Variants in CACNA2D1 observed in about 807,000 individuals in gnomAD.
CACNA2D1 encodes voltage-dependent calcium channel subunit alpha-2/delta-1.
CACNA2D1 carries 53 observed loss-of-function variants against 171.5 expected under a neutral mutation model. The observed-to-expected ratio is 0.31, with a 90% CI of 0.25 to 0.39. CACNA2D1 has a LOEUF of 0.39. Among genes scored for constraint, CACNA2D1 ranks in the 10% least tolerant of loss-of-function variants. The pLI, the probability that CACNA2D1 is intolerant of heterozygous loss-of-function variation, is 1.00. For synonymous variants in CACNA2D1, 442 were observed against 443.1 expected (o/e 1.00, Z 0.03); for missense variants, 903 against 1,299.8 (o/e 0.69, Z 4.69).
intron 5 of CACNA2D1, among the ~76,000 whole-genome samples, chr7:82,124,738 T>C (rs1009906615): frequency 1.3e-5 from 2 of 152,224 alleles, no homozygotes; most frequent in Non-Finnish European, 1.5e-5. Flanking sequence ...CATTGCTTTC[T>C]GCATTTTATC....
intron 38 of CACNA2D1, among the ~76,000 whole-genome samples, chr7:81,951,971 T>TTTTTTTTTTTTTTTTTGG (rs1554321673): frequency 7.7e-6 from 1 of 130,664 alleles, no homozygotes; most frequent in African/African-American, 2.8e-5. Context: ...TACAAAGTGT[T>TTTTTTTTTTTTTTTTTGG]TTTTTTTTTT....
At chr7:82,221,794 C>T (rs1398904801) in intron 3 of CACNA2D1, among the ~76,000 whole-genome samples, 2 of 146,734 alleles carry the variant, frequency 1.4e-5, no homozygotes, top group Non-Finnish European at 3.0e-5. Flanking sequence ...AAAAACACTA[C>T]GAATTCAGAT....
chr7:81,950,433 G>C lies in CACNA2D1; in HGVS notation c.3235C>G (p.Leu1079Val), dbSNP rs780771206. Residue 1079 changes from leucine to valine, a missense_variant, in exon 39 of 39, where the codon CTA becomes GTA. By Grantham distance (32) the Leu-to-Val change is conservative. Around this residue, in one of 5 missense-constraint regions of CACNA2D1, gnomAD observed 38 missense variants for 29.2 expected, o/e 1.30. Transcript: ENST00000356860. ...GTGCTGCCAGATACCAGCCAAAGTA[G>C]TAGAAACTGGATTCCAATGATATAC... ...LWYIIGIQFL[L>V]LWLVSGSTHR... 6.2e-7 allele frequency: 1 copy of C among 1,613,118 alleles called. No homozygotes were observed. Among genetic ancestry groups the C allele is most frequent in the Non-Finnish European group, 8.5e-7 (1 of 1,179,558 alleles).
In CACNA2D1 at chr7:81,971,883, A is replaced by T. The variant is rs1201239590; in HGVS notation, c.2054-19T>A. On this transcript the variant is annotated intron_variant, in intron 25 of 38. Transcript: ENST00000356860. ...GCGTTACCTAACACAGAAAAAGATC[A>T]TCAGTTACACTCACATTTCTAAAAT... 1.4e-6 allele frequency: 2 copies of T among 1,429,288 alleles called. No individual in the cohort carries two copies. The highest frequency in any genetic ancestry group is 2.0e-6 in the Non-Finnish European group (2 of 1,012,642). The allele number at this position is 1,429,288 out of a possible 1,614,324, so 88.5% of individuals were successfully genotyped here. A position where few individuals can be genotyped will look rare whatever the true frequency, so the allele number is the denominator to read the frequency against.
chr7:81,967,297 AATTT>A, intron 30 of CACNA2D1, 90 bp from the exon 31 acceptor site: 1 of 1,080,176 alleles, frequency 9.3e-7, no homozygotes, highest in South Asian at 1.3e-5. Flanking sequence ...ATTCTGAAAT[AATTT>A]ATCCAGTAGA....
At position 82,204,369 on chromosome 7, in the gene CACNA2D1, G is replaced by A. The variant is rs372535970; in HGVS notation, c.295-33760C>T. 1.8e-4 allele frequency among the ~76,000 whole-genome samples: 28 copies of A among 152,294 alleles called. No homozygotes were observed. The South Asian group carries it at 5.0e-3, about 27-fold the overall frequency. ...TGGTCACAGGCCCATATGCGGCCAG[G>A]CCATGTGGCAAGACCTAGGGGAGGA... On this transcript the variant is annotated intron_variant, in intron 3 of 38. Coordinates refer to ENST00000356860, the MANE Select transcript of CACNA2D1 (RefSeq NM_000722.4).
At chr7:82,232,249 A>G (rs1803023807) in intron 3 of CACNA2D1, among the ~76,000 whole-genome samples, 2 of 152,130 alleles carry the variant, frequency 1.3e-5, no homozygotes, top group Admixed American at 1.3e-4. Context: ...CAAATTAGGA[A>G]ACCATTCTAA....
At chr7:82,024,079 C>T (rs182476033) in intron 12 of CACNA2D1, among the ~76,000 whole-genome samples, 1 of 151,766 alleles carries the variant, frequency 6.6e-6, no homozygotes, top group Non-Finnish European at 1.5e-5. Context: ...AAGGTTGTTT[C>T]CACATCTAGG....
chr7:82,036,859 G>C (rs1222853492), intron 11 of CACNA2D1, among the ~76,000 whole-genome samples: 1 of 152,170 alleles, frequency 6.6e-6, no homozygotes, highest in East Asian at 1.9e-4. Context: ...ATTATGATCT[G>C]ACTTTTTACC....
chr7:82,203,674 G>A (rs1186371585), intron 3 of CACNA2D1, among the ~76,000 whole-genome samples: 2 of 152,182 alleles, frequency 1.3e-5, no homozygotes, highest in Non-Finnish European at 2.9e-5. Flanking sequence ...TTTGGCTGGA[G>A]TCTATAGCAG....
chr7:82,079,691 C>CAA lies in CACNA2D1; in HGVS notation c.658+5076_658+5077dup, dbSNP rs755722648. Reference sequence around the variant, plus strand: ...TAGGTAACAAAGTGAGACTCTGTCTCAAAAAAAAAAAAAAAAAAGTTGACG... The same window carrying CAA: ...TAGGTAACAAAGTGAGACTCTGTCTCAAAAAAAAAAAAAAAAAAAAGTTGACG... On this transcript the variant is annotated intron_variant, in intron 7 of 38. Transcript: ENST00000356860. 7.9e-3 allele frequency among the ~76,000 whole-genome samples: 553 copies of CAA among 70,050 alleles called. 6 individuals carry two copies. The highest frequency in any genetic ancestry group is 0.026 in the African/African-American group (507 of 19,674). The allele number at this position is 70,050 out of a possible 152,430, so 46.0% of individuals were successfully genotyped here.
At chr7:82,088,311 T>G (rs1053486461) in intron 6 of CACNA2D1, among the ~76,000 whole-genome samples, 22 of 152,254 alleles carry the variant, frequency 1.4e-4, no homozygotes, top group African/African-American at 5.1e-4. Flanking sequence ...ACGTCATTTT[T>G]TCATAACAGG....
At chr7:82,088,692 G>A (rs1378582354) in intron 6 of CACNA2D1, among the ~76,000 whole-genome samples, 2 of 151,822 alleles carry the variant, frequency 1.3e-5, no homozygotes, top group African/African-American at 2.4e-5. Flanking sequence ...CCTTTGATTT[G>A]GCAAGATATA....
intron 12 of CACNA2D1, among the ~76,000 whole-genome samples, chr7:82,026,332 GTCTTATTTT>G (rs1801906095): frequency 6.6e-6 from 1 of 151,026 alleles, no homozygotes; most frequent in South Asian, 2.1e-4. Context: ...GTTATTTTCT[GTCTTATTTT>G]TCTTTTGTAT....
intron 3 of CACNA2D1, among the ~76,000 whole-genome samples, chr7:82,303,248 TG>T (rs1813272823): frequency 1.3e-5 from 2 of 151,956 alleles, no homozygotes; most frequent in Non-Finnish European, 2.9e-5. Flanking sequence ...CTGCCCACCT[TG>T]GCCTCTACTA....
intron 4 of CACNA2D1, among the ~76,000 whole-genome samples, chr7:82,144,701 T>G (rs1205393794): frequency 2.6e-5 from 4 of 152,076 alleles, no homozygotes; most frequent in African/African-American, 9.7e-5. Context: ...GCCAACTTAA[T>G]ATTTTATAAG....
chr7:82,011,981 C>G, intron 15 of CACNA2D1, 173 bp downstream of exon 15: 1 of 622,156 alleles, frequency 1.6e-6, no homozygotes, highest in South Asian at 1.8e-5. Flanking sequence ...CTACTACATA[C>G]GAGTCTATGT....
intron 3 of CACNA2D1, among the ~76,000 whole-genome samples, chr7:82,278,137 C>T (rs1809598380): frequency 6.6e-6 from 1 of 152,152 alleles, no homozygotes; most frequent in Non-Finnish European, 1.5e-5. Context: ...ATTTATTCAA[C>T]TTTTGGTATG....
At chr7:82,374,933 A>C (rs2129448659) in intron 1 of CACNA2D1, among the ~76,000 whole-genome samples, 1 of 149,732 alleles carries the variant, frequency 6.7e-6, no homozygotes, top group East Asian at 1.9e-4. Context: ...GTAGAAAATA[A>C]GGGATCTCTC....
Sources: gnomAD v4.1 joint callset for allele counts (sites outside exome capture counted in the v4.1 genomes callset) on GRCh38, gnomAD v4.1.1 for gene constraint, gnomAD v4.1.1 regional missense constraint, MANE v1.5 for transcripts, NCBI Gene and HGNC (gene_info 2026-07-23, HGNC 2026-07-21) for gene names.